The following INPP5A variants were observed in gnomAD, a reference collection of about 807,000 sequenced individuals.
INPP5A encodes the protein inositol polyphosphate-5-phosphatase A.
Under a neutral mutation model 65.2 loss-of-function variants are expected in INPP5A, and 14 were observed. The observed-to-expected ratio is 0.21, with a 90% CI of 0.14 to 0.34. The LOEUF (loss-of-function observed/expected upper bound fraction) is 0.34, where lower values mean the gene tolerates loss of function less well. Ranked by LOEUF, INPP5A falls within the 10% of genes least tolerant of loss-of-function variation. The pLI is 1.00. For synonymous variants in INPP5A, 207 were observed against 208.3 expected, an observed-to-expected ratio of 0.99 and a Z score of 0.05; for missense variants, 431 against 545.6, an observed-to-expected ratio of 0.79 and a Z score of 2.09.
At chr10:132,560,429 G>T (rs974754166) in intron 1 of INPP5A, among the ~76,000 whole-genome samples, 1 of 152,144 alleles carries the variant, frequency 6.6e-6, no homozygotes, top group Admixed American at 6.5e-5. Context: ...AACAGTACTC[G>T]TGATTGTCCA....
chr10:132,608,037 A>T (rs1259906543), intron 2 of INPP5A, 81 bp downstream of exon 2: 1 of 1,311,200 alleles, frequency 7.6e-7, no homozygotes, highest in Non-Finnish European at 1.1e-6. Context: ...TCCTCCATGG[A>T]GTCTGGTGTG....
rs1344154798 is a variant in INPP5A at position 132,704,002 on chromosome 10, C to T, written c.475-4311C>T. ...CAAGCTTCACCCACACACACACGCACGGCTTCACCCCCCCACACACGCGTG... is the reference window on the plus strand; with the variant it reads ...CAAGCTTCACCCACACACACACGCATGGCTTCACCCCCCCACACACGCGTG... On this transcript the variant is annotated intron_variant, in intron 6 of 15. Coordinates refer to ENST00000368594, the MANE Select transcript of INPP5A (RefSeq NM_005539.5). This position sits in a 1 kb window ranked among gnomAD's most constrained non-coding sequence, Gnocchi z 4.5. Among the ~76,000 whole-genome samples, 3 of 142,172 alleles carry T rather than the reference C, an allele frequency of 2.1e-5. No individual in the cohort carries two copies. Among genetic ancestry groups the T allele is most frequent in the East Asian group, 2.1e-4 (1 of 4,730 alleles). 93.3% of individuals were successfully genotyped at this position (142,172 alleles called of 152,430 possible).
Position 132,687,839 on chromosome 10 carries a change from G to A in INPP5A, c.307-2553G>A, listed in dbSNP as rs756530204. ...GGGTGTGTTCCCTTCCCCACCAGAC[G>A]CAGCAGAGACAGGAGGCAGAGGCCA... On this transcript the variant is annotated intron_variant, in intron 4 of 15. Transcript: ENST00000368594. 2.9e-4 allele frequency among the ~76,000 whole-genome samples: 44 copies of A among 152,242 alleles called. 1 individual carries two copies. The highest frequency in any genetic ancestry group is 1.0e-3 in the African/African-American group (42 of 41,464).
At chr10:132,703,565 ACAC>A (rs1845474705) in intron 6 of INPP5A, among the ~76,000 whole-genome samples, 1 of 148,090 alleles carries the variant, frequency 6.8e-6, no homozygotes, top group Non-Finnish European at 1.5e-5. Context: ...ACCCACACAC[ACAC>A]GTGGCTTCAC....
At chr10:132,747,063 C>A (rs936038462) in intron 9 of INPP5A, among the ~76,000 whole-genome samples, 2 of 152,260 alleles carry the variant, frequency 1.3e-5, no homozygotes, top group African/African-American at 4.8e-5. Flanking sequence ...TAAACAGTTT[C>A]CCGCAGATGC....
intron 1 of INPP5A, among the ~76,000 whole-genome samples, chr10:132,564,740 G>A (rs1029909623): frequency 2.0e-5 from 3 of 152,332 alleles, no homozygotes; most frequent in Admixed American, 6.5e-5. Context: ...GCCAGTGGCC[G>A]CTGGGCCCAG....
chr10:132,752,831 C>T (rs1486674808), intron 11 of INPP5A, among the ~76,000 whole-genome samples: 1 of 152,120 alleles, frequency 6.6e-6, no homozygotes, highest in African/African-American at 2.4e-5. Context: ...TGTCGGTAGC[C>T]ACCATACCGT....
rs1490963370 is a variant in INPP5A at position 132,627,385 on chromosome 10, G to A, written c.118-18483G>A. On this transcript the variant is annotated intron_variant, in intron 2 of 15. Transcript: ENST00000368594. The surrounding 1 kb of genome is among the most constrained non-coding windows in gnomAD (Gnocchi z 6.6). ...CTGGCTCCACACCTGTCCTGAGAGG[G>A]TCTGTCCTGGCCGCTGAGCAGGTGG... Among the ~76,000 whole-genome samples the A allele has an allele frequency of 2.6e-5, 4 of 152,166 alleles. No homozygotes were observed. The highest frequency in any genetic ancestry group is 5.9e-5 in the Non-Finnish European group (4 of 68,034).
intron 1 of INPP5A, among the ~76,000 whole-genome samples, chr10:132,585,565 T>C (rs1320703541): frequency 6.6e-6 from 1 of 152,186 alleles, no homozygotes; most frequent in East Asian, 1.9e-4. Context: ...GGGGGGGTCT[T>C]GGAATGTGTC....
At chr10:132,726,766 A>AT (rs1845992691) in intron 8 of INPP5A, 55 bp from the exon 9 acceptor site, 1 of 1,294,006 alleles carries the variant, frequency 7.7e-7, no homozygotes, top group African/African-American at 1.5e-5. Flanking sequence ...GGGGCCGGGC[A>AT]TGAGGGCTGG....
chr10:132,593,193 T>C (rs1426739367), intron 1 of INPP5A, among the ~76,000 whole-genome samples: 1 of 152,230 alleles, frequency 6.6e-6, no homozygotes, highest in Non-Finnish European at 1.5e-5. Flanking sequence ...AGCTTCATTA[T>C]GTCTGCCTGA....
rs550046696 is a variant in INPP5A, at chr10:132,677,736, A to G, written c.307-12656A>G. 3.1e-4 allele frequency among the ~76,000 whole-genome samples: 47 copies of G among 152,218 alleles called. No individual in the cohort carries two copies. In the East Asian group the frequency reaches 6.8e-3, roughly 22 times the overall value. ...TAAGCGGCTGGTATGTGGCGTGTTT[A>G]CCCTCGTGTCAGCATGACTGGTGTT... On this transcript the variant is annotated intron_variant, in intron 4 of 15. Transcript: ENST00000368594.
chr10:132,687,372 A>G (rs570996286), intron 4 of INPP5A, among the ~76,000 whole-genome samples: 1 of 152,344 alleles, frequency 6.6e-6, no homozygotes, highest in East Asian at 1.9e-4. Context: ...CGAGTGCATC[A>G]TGGCCACACG....
intron 1 of INPP5A, among the ~76,000 whole-genome samples, chr10:132,586,609 C>T (rs1590848341): frequency 6.6e-6 from 1 of 152,214 alleles, no homozygotes; most frequent in Non-Finnish European, 1.5e-5. Context: ...CCGGTGACGA[C>T]GGGCTCCTGT....
intron 8 of INPP5A, among the ~76,000 whole-genome samples, chr10:132,723,885 G>C (rs960894512): frequency 5.3e-5 from 8 of 152,306 alleles, no homozygotes; most frequent in South Asian, 2.1e-4. Flanking sequence ...CTGTGCTCAC[G>C]GGACACAGCA....
intron 12 of INPP5A, among the ~76,000 whole-genome samples, chr10:132,772,559 C>T (rs1411556638): frequency 2.4e-4 from 27 of 110,504 alleles, no homozygotes; most frequent in African/African-American, 6.0e-4. Context: ...ACAGAGGCCA[C>T]GGCAGCCACC....
At chr10:132,595,144 G>A (rs1347112007) in intron 1 of INPP5A, among the ~76,000 whole-genome samples, 1 of 152,138 alleles carries the variant, frequency 6.6e-6, no homozygotes, top group Non-Finnish European at 1.5e-5. Flanking sequence ...CGGCATGAGG[G>A]GCTCCTGTGA....
rs79287565 is a variant in INPP5A at position 132,704,974 on chromosome 10, C to T, written c.475-3339C>T. Among the ~76,000 whole-genome samples, 79 of 149,370 alleles carry T rather than the reference C, an allele frequency of 5.3e-4. No individual in the cohort carries two copies. Among genetic ancestry groups the T allele is most frequent in the African/African-American group, 1.5e-3 (59 of 40,682 alleles). On this transcript the variant is annotated intron_variant, in intron 6 of 15. Coordinates refer to ENST00000368594, the MANE Select transcript of INPP5A (RefSeq NM_005539.5). This position sits in a 1 kb window ranked among gnomAD's most constrained non-coding sequence, Gnocchi z 4.5. Reference sequence around the variant, plus strand: ...GATGGAGGAAGGGCGTCTGGACAGGCGGCAGGCAGCTCCTCTGGAGTGTGG... The same window carrying T: ...GATGGAGGAAGGGCGTCTGGACAGGTGGCAGGCAGCTCCTCTGGAGTGTGG...
At chr10:132,708,557 C>T (rs1164119870) in intron 7 of INPP5A, 192 bp downstream of exon 7, 3 of 730,172 alleles carry the variant, frequency 4.1e-6, no homozygotes, top group Non-Finnish European at 5.1e-6. Context: ...TGTCACTGTT[C>T]CCTGTAAGTC....
Sources: gnomAD v4.1 joint callset for allele counts (sites outside exome capture counted in the v4.1 genomes callset) on GRCh38, gnomAD v4.1.1 for gene constraint, Gnocchi (gnomAD v3.1) non-coding constraint, MANE v1.5 for transcripts, NCBI Gene and HGNC (gene_info 2026-07-23, HGNC 2026-07-21) for gene names.